PHF24: variants seen among roughly 807,000 people sequenced by gnomAD.
PHF24 encodes Galpha inhibitory interacting protein.
A neutral mutation model predicts 42.6 loss-of-function variants in PHF24; 25 were observed. That is an observed-to-expected ratio of 0.59 (90% confidence interval 0.43 to 0.82). The LOEUF (loss-of-function observed/expected upper bound fraction) is 0.82. Among genes scored for constraint, PHF24 ranks in the 40% least tolerant of loss-of-function variants. The probability of loss-of-function intolerance (pLI) is 0.00; values close to 1 mark genes in which losing one functional copy is unlikely to be tolerated. For synonymous variants in PHF24, 185 were observed against 204.8 expected (o/e 0.90, Z 0.83); for missense variants, 470 against 538.1 (o/e 0.87, Z 1.25).
At chr9:34,890,270 AC>A in the PHF24 span, among the ~76,000 whole-genome samples, 3 of 151,984 alleles carry the variant, frequency 2.0e-5, no homozygotes, top group Non-Finnish European at 4.4e-5. Context: ...CTGTCCAGAC[AC>A]CCCCTTCTCT....
chr9:34,713,501 AC>A, the PHF24 span, among the ~76,000 whole-genome samples: 3 of 146,608 alleles, frequency 2.0e-5, no homozygotes, highest in Admixed American at 1.3e-4. Context: ...ATCAAGTACC[AC>A]CCCCCCTGCT....
chr9:34,870,598 G>T, the PHF24 span, among the ~76,000 whole-genome samples: 2 of 140,772 alleles, frequency 1.4e-5, no homozygotes, highest in Admixed American at 1.5e-4. Flanking sequence ...TTGAGACAGG[G>T]TCTCATCCAC....
At chr9:34,795,861 G>A in the PHF24 span, among the ~76,000 whole-genome samples, 3 of 152,044 alleles carry the variant, frequency 2.0e-5, no homozygotes, top group African/African-American at 7.2e-5. Context: ...ATCCAGGCAT[G>A]GTGGTACATG....
At chr9:34,923,995 A>G in the PHF24 span, among the ~76,000 whole-genome samples, 1 of 151,820 alleles carries the variant, frequency 6.6e-6, no homozygotes, top group Non-Finnish European at 1.5e-5. Context: ...AGATTTTGGT[A>G]TGTTGTTTCC....
the PHF24 span, among the ~76,000 whole-genome samples, chr9:34,836,735 C>A: frequency 1.3e-5 from 2 of 152,186 alleles, no homozygotes; most frequent in Non-Finnish European, 2.9e-5. Context: ...GAGAATGTGA[C>A]ATGGGTGACT....
the PHF24 span, among the ~76,000 whole-genome samples, chr9:34,890,216 C>G: frequency 1.3e-5 from 2 of 152,206 alleles, no homozygotes; most frequent in African/African-American, 2.4e-5. Context: ...GCCCCTGAAC[C>G]TTGGCAGAAA....
At chr9:34,859,433 C>T in the PHF24 span, among the ~76,000 whole-genome samples, 1 of 152,154 alleles carries the variant, frequency 6.6e-6, no homozygotes, top group African/African-American at 2.4e-5. Flanking sequence ...CAGGCAAGGG[C>T]AAGTAAAAAT....
intron 1 of PHF24, among the ~76,000 whole-genome samples, chr9:34,959,356 C>A (rs1325148591): frequency 6.6e-6 from 1 of 152,184 alleles, no homozygotes; most frequent in Non-Finnish European, 1.5e-5. Context: ...TCATATAACT[C>A]TTACAACAGC....
chr9:34,937,704 T>C, the PHF24 span, among the ~76,000 whole-genome samples: 4 of 150,206 alleles, frequency 2.7e-5, no homozygotes, highest in Non-Finnish European at 5.9e-5. Context: ...CCTCGCTTGA[T>C]GTAAAAGGTA....
chr9:34,866,204 T>C, the PHF24 span, among the ~76,000 whole-genome samples: 1 of 152,198 alleles, frequency 6.6e-6, no homozygotes, highest in Non-Finnish European at 1.5e-5. Context: ...ACCAACTCTT[T>C]GGAATAATGA....
upstream of PHF24, among the ~76,000 whole-genome samples, chr9:34,953,983 C>A (rs956439773): frequency 6.6e-6 from 1 of 151,996 alleles, no homozygotes; most frequent in Non-Finnish European, 1.5e-5. This position sits in a 1 kb window ranked among gnomAD's most constrained non-coding sequence, Gnocchi z 4.1. Context: ...TGGTTGTAAG[C>A]AATGGAAACC....
the PHF24 span, among the ~76,000 whole-genome samples, chr9:34,790,453 T>C: frequency 6.6e-6 from 1 of 152,186 alleles, no homozygotes; most frequent in African/African-American, 2.4e-5. Flanking sequence ...AAAAAATGAC[T>C]CCATTTTGAT....
chr9:34,840,056 G>C, the PHF24 span, among the ~76,000 whole-genome samples: 3 of 152,240 alleles, frequency 2.0e-5, no homozygotes, highest in Admixed American at 2.0e-4. Flanking sequence ...TAGCAGAGGT[G>C]CAGATGAATG....
chr9:34,949,017 A>G, the PHF24 span, among the ~76,000 whole-genome samples: 1 of 152,228 alleles, frequency 6.6e-6, no homozygotes, highest in Non-Finnish European at 1.5e-5. Flanking sequence ...TGCACATAAT[A>G]ACAGATGCTA....
At chr9:34,931,464 T>A in the PHF24 span, among the ~76,000 whole-genome samples, 2 of 151,212 alleles carry the variant, frequency 1.3e-5, no homozygotes, top group African/African-American at 4.9e-5. Flanking sequence ...AGACTGCATA[T>A]TAGGTACAGT....
chr9:34,903,589 A>C, the PHF24 span, among the ~76,000 whole-genome samples: 6 of 152,168 alleles, frequency 3.9e-5, no homozygotes, highest in Non-Finnish European at 7.3e-5. Flanking sequence ...CATGAAATAA[A>C]GTAAATTTTT....
the PHF24 span, among the ~76,000 whole-genome samples, chr9:34,851,755 C>T: frequency 2.0e-5 from 3 of 152,162 alleles, no homozygotes; most frequent in African/African-American, 7.2e-5. Flanking sequence ...CTCCCACCCT[C>T]ACCTAATTGT....
the PHF24 span, chr9:34,894,985 C>T: frequency 7.5e-6 from 3 of 398,234 alleles, no homozygotes; most frequent in Non-Finnish European, 8.9e-6. Context: ...GGTCAGGATC[C>T]GTGGGAACCT....
chr9:34,912,586 A>G, the PHF24 span, among the ~76,000 whole-genome samples: 1 of 152,198 alleles, frequency 6.6e-6, no homozygotes, highest in Non-Finnish European at 1.5e-5. Context: ...TATGTCCCAG[A>G]CTAACCTCTA....
Sources: gnomAD v4.1 joint callset for allele counts (sites outside exome capture counted in the v4.1 genomes callset) on GRCh38, gnomAD v4.1.1 for gene constraint, Gnocchi (gnomAD v3.1) non-coding constraint, MANE v1.5 for transcripts, NCBI Gene and HGNC (gene_info 2026-07-23, HGNC 2026-07-21) for gene names.